GPC5: variants seen among roughly 807,000 people sequenced by gnomAD.
GPC5 encodes glypican 5.
In GPC5, 47 loss-of-function variants were observed where a neutral mutation model predicts 53.9. The ratio of observed to expected loss-of-function variants is 0.87; its 90% confidence interval spans 0.69 to 1.11. GPC5 has a LOEUF of 1.11. Among genes scored for constraint, GPC5 ranks in the 50% most tolerant of loss-of-function variants. The probability of loss-of-function intolerance (pLI) is 0.00; values close to 1 mark genes in which losing one functional copy is unlikely to be tolerated. For missense variants in GPC5, 748 were observed against 713.1 expected (o/e 1.05, Z -0.56); for synonymous variants, 286 against 263.3 (o/e 1.09, Z -0.84).
chr13:92,306,887 C>T (rs556788698), intron 7 of GPC5, among the ~76,000 whole-genome samples: 1 of 152,174 alleles, frequency 6.6e-6, no homozygotes, highest in Non-Finnish European at 1.5e-5. Flanking sequence ...CCAGGCTACC[C>T]AGGTGAGGAA....
rs1338509788 is a variant in GPC5, at chr13:91,739,600, C to T, written c.1154+10935C>T. On this transcript the variant is annotated intron_variant, in intron 4 of 7. Coordinates refer to ENST00000377067, the MANE Select transcript of GPC5 (RefSeq NM_004466.6). ...GTATCATCTCCCAAGATTGCTTGCTCACATGGCTGTTGGTGGGAGGCCTCC... is the reference window on the plus strand; with the variant it reads ...GTATCATCTCCCAAGATTGCTTGCTTACATGGCTGTTGGTGGGAGGCCTCC... 4.6e-5 allele frequency among the ~76,000 whole-genome samples: 7 copies of T among 151,290 alleles called. No homozygotes were observed. The East Asian group carries it at 1.2e-3, about 25-fold the overall frequency.
At chr13:92,738,756 C>T (rs764303736) in intron 7 of GPC5, among the ~76,000 whole-genome samples, 25 of 152,010 alleles carry the variant, frequency 1.6e-4, no homozygotes, top group Non-Finnish European at 3.4e-4. Context: ...GTTCTGTAGA[C>T]CAAAAATTCT....
intron 7 of GPC5, among the ~76,000 whole-genome samples, chr13:92,245,880 G>T (rs1050617715): frequency 6.6e-6 from 1 of 151,774 alleles, no homozygotes; most frequent in African/African-American, 2.4e-5. Context: ...TTTTTGCTTA[G>T]GTTCTAATTT....
intron 7 of GPC5, among the ~76,000 whole-genome samples, chr13:92,516,060 G>T (rs921658006): frequency 3.3e-5 from 5 of 152,018 alleles, no homozygotes; most frequent in Admixed American, 6.6e-5. Flanking sequence ...TGAACTTGCT[G>T]CTAGCTTATA....
chr13:92,175,646 T>C (rs1238237482), intron 7 of GPC5, among the ~76,000 whole-genome samples: 1 of 152,108 alleles, frequency 6.6e-6, no homozygotes, highest in Non-Finnish European at 1.5e-5. Context: ...TTTAGAAAAG[T>C]CACTTAAAAA....
intron 6 of GPC5, among the ~76,000 whole-genome samples, chr13:92,107,815 T>A (rs967514581): frequency 1.3e-5 from 2 of 152,144 alleles, no homozygotes; most frequent in Non-Finnish European, 2.9e-5. Flanking sequence ...AAGCTCTACC[T>A]CATTACTAGA....
chr13:91,489,618 C>T (rs1883819692), intron 2 of GPC5, among the ~76,000 whole-genome samples: 1 of 152,156 alleles, frequency 6.6e-6, no homozygotes, highest in South Asian at 2.1e-4. Context: ...CAGGCTACTT[C>T]AACTTTTCTT....
chr13:92,500,615 AT>A (rs1238845632), intron 7 of GPC5, among the ~76,000 whole-genome samples: 2 of 152,024 alleles, frequency 1.3e-5, no homozygotes, highest in Non-Finnish European at 2.9e-5. Context: ...AAGATAGTTT[AT>A]TTTACAATTT....
chr13:91,902,876 T>A (rs2039512390), intron 5 of GPC5, among the ~76,000 whole-genome samples: 1 of 152,038 alleles, frequency 6.6e-6, no homozygotes. Flanking sequence ...AACATACCTG[T>A]GTGGGTCTTT....
chr13:92,193,874 C>T (rs2042240140), intron 7 of GPC5, among the ~76,000 whole-genome samples: 1 of 152,060 alleles, frequency 6.6e-6, no homozygotes, highest in African/African-American at 2.4e-5. Context: ...CTTTTTGTTG[C>T]ACAGGTAATT....
chr13:91,570,922 A>C (rs1238583454), intron 2 of GPC5, among the ~76,000 whole-genome samples: 1 of 152,158 alleles, frequency 6.6e-6, no homozygotes, highest in Admixed American at 6.6e-5. Context: ...TAACTCTTTA[A>C]TTAGTTTCTT....
rs185242998 is a variant in GPC5 at position 91,744,598 on chromosome 13, C to A, written c.1155-11697C>A. Among the ~76,000 whole-genome samples the A allele has an allele frequency of 3.3e-5, 5 of 152,078 alleles. No individual in the cohort carries two copies. In the East Asian group the frequency reaches 9.7e-4, roughly 29 times the overall value. On this transcript the variant is annotated intron_variant, in intron 4 of 7. Transcript: ENST00000377067. ...AAACAGGAATATCTGATTGTAATTG[C>A]AAAATGCAAAAGATAAAAGAAGGAA...
intron 6 of GPC5, among the ~76,000 whole-genome samples, chr13:92,105,375 C>T (rs1366794318): frequency 1.3e-5 from 2 of 152,020 alleles, no homozygotes; most frequent in African/African-American, 4.8e-5. Flanking sequence ...AATAATAGAG[C>T]ACTGCAAATT....
chr13:91,523,343 A>G (rs1885928812), intron 2 of GPC5, among the ~76,000 whole-genome samples: 1 of 152,226 alleles, frequency 6.6e-6, no homozygotes, highest in Non-Finnish European at 1.5e-5. Flanking sequence ...AAACAACCCA[A>G]GTGTCTGTCA....
intron 7 of GPC5, among the ~76,000 whole-genome samples, chr13:92,344,039 G>A (rs1431828383): frequency 1.3e-5 from 2 of 151,534 alleles, no homozygotes; most frequent in Non-Finnish European, 2.9e-5. Flanking sequence ...CTCAACATTT[G>A]GGGAGTGGGG....
intron 7 of GPC5, among the ~76,000 whole-genome samples, chr13:92,400,112 C>A (rs935315699): frequency 6.6e-6 from 1 of 152,098 alleles, no homozygotes; most frequent in African/African-American, 2.4e-5. Context: ...TTAAAAAGGA[C>A]TGGAGTAGGA....
At chr13:91,794,978 G>A (rs1479797223) in intron 5 of GPC5, among the ~76,000 whole-genome samples, 1 of 152,198 alleles carries the variant, frequency 6.6e-6, no homozygotes, top group Non-Finnish European at 1.5e-5. Context: ...GGAGAGGAAG[G>A]AAGAAACGAA....
Position 92,162,463 on chromosome 13 carries a change from A to C in GPC5, c.1561+17474A>C, listed in dbSNP as rs563682516. Among the ~76,000 whole-genome samples the C allele has an allele frequency of 2.0e-5, 3 of 152,302 alleles. No homozygotes were observed. The East Asian group carries it at 5.8e-4, about 29-fold the overall frequency. ...AGCAGATCTTGTGGGAACACACAGG[A>C]AGGTATCTCAGTCTTAGGGATAACA... On this transcript the variant is annotated intron_variant, in intron 7 of 7. Coordinates refer to ENST00000377067, the MANE Select transcript of GPC5 (RefSeq NM_004466.6).
intron 6 of GPC5, among the ~76,000 whole-genome samples, chr13:92,094,113 G>A (rs780885635): frequency 7.2e-5 from 11 of 152,132 alleles, no homozygotes; most frequent in African/African-American, 1.4e-4. Flanking sequence ...CAATTATTAC[G>A]CCAATGATTT....
Sources: gnomAD v4.1 joint callset for allele counts (sites outside exome capture counted in the v4.1 genomes callset) on GRCh38, gnomAD v4.1.1 for gene constraint, MANE v1.5 for transcripts, NCBI Gene and HGNC (gene_info 2026-07-23, HGNC 2026-07-21) for gene names.